The following DLG2 variants were observed in gnomAD, a reference collection of about 807,000 sequenced individuals.
DLG2 encodes the protein disks large homolog 2.
DLG2 carries 45 observed loss-of-function variants against 132.5 expected under a neutral mutation model. The ratio of observed to expected loss-of-function variants is 0.34; its 90% CI spans 0.27 to 0.44. DLG2 has a LOEUF of 0.44. Ranked by LOEUF, DLG2 falls within the 20% of genes least tolerant of loss-of-function variation. The pLI, the probability that DLG2 is intolerant of heterozygous loss-of-function variation, is 1.00. For synonymous variants in DLG2, 424 were observed against 419.6 expected (o/e 1.01, Z -0.13); for missense variants, 1,045 against 1,196.9 (o/e 0.87, Z 1.87).
intron 7 of DLG2, among the ~76,000 whole-genome samples, chr11:84,514,601 A>G (rs2099266992): frequency 6.6e-6 from 1 of 152,010 alleles, no homozygotes; most frequent in Admixed American, 6.6e-5. Context: ...AAAAATCATA[A>G]CAATTGAACT....
intron 3 of DLG2, among the ~76,000 whole-genome samples, chr11:85,389,709 C>T (rs984400568): frequency 6.6e-6 from 1 of 152,104 alleles, no homozygotes; most frequent in Non-Finnish European, 1.5e-5. Context: ...TATCTTTAGC[C>T]TCCACAAACA....
intron 3 of DLG2, among the ~76,000 whole-genome samples, chr11:85,349,315 C>CCAAAAGAAACACTAAGTG (rs1312518117): frequency 1.3e-5 from 2 of 152,020 alleles, no homozygotes; most frequent in Admixed American, 1.3e-4. Flanking sequence ...GAAAGAAACA[C>CCAAAAGAAACACTAAGTG]CAAAAGAAAC....
chr11:85,441,406 C>T (rs1241635910), intron 3 of DLG2, among the ~76,000 whole-genome samples: 1 of 152,112 alleles, frequency 6.6e-6, no homozygotes, highest in Non-Finnish European at 1.5e-5. Flanking sequence ...AGTATATTTC[C>T]TATGTGCTTC....
At chr11:84,980,990 A>C (rs2055658870) in intron 6 of DLG2, among the ~76,000 whole-genome samples, 1 of 152,088 alleles carries the variant, frequency 6.6e-6, no homozygotes, top group African/African-American at 2.4e-5. Flanking sequence ...TAGCTCTATC[A>C]CAGCGTTCAC....
chr11:84,637,571 C>T (rs1377994756), intron 6 of DLG2, among the ~76,000 whole-genome samples: 1 of 152,178 alleles, frequency 6.6e-6, no homozygotes, highest in Non-Finnish European at 1.5e-5. Flanking sequence ...CCCAAAACTG[C>T]AGCTGCTTGG....
chr11:84,740,494 AC>A (rs946162471), intron 6 of DLG2, among the ~76,000 whole-genome samples: 1 of 151,182 alleles, frequency 6.6e-6, no homozygotes, highest in Non-Finnish European at 1.5e-5. Context: ...GCTAAGCCCT[AC>A]CCAGCCACTG....
rs1004845474 is a variant in DLG2 at position 83,766,618 on chromosome 11, C to T, written c.1825+20072G>A. ...AAGGTTATCTTTTCTAACAAACTGC[C>T]TGTTAATTTGTGGGAATGCTTCTGA... On this transcript the variant is annotated intron_variant, in intron 18 of 27. Transcript: ENST00000376104. Among the ~76,000 whole-genome samples, 18 of 151,994 alleles carry T rather than the reference C, an allele frequency of 1.2e-4. 1 individual carries two copies. Among genetic ancestry groups the T allele is most frequent in the Admixed American group, 3.3e-4 (5 of 15,266 alleles).
chr11:85,593,473 T>C (rs563744567), intron 3 of DLG2, among the ~76,000 whole-genome samples: 2 of 152,320 alleles, frequency 1.3e-5, no homozygotes, highest in African/African-American at 4.8e-5. Flanking sequence ...AGGTGACTAG[T>C]GCTGAGGTCC....
chr11:85,259,060 C>G (rs954610889), intron 4 of DLG2, among the ~76,000 whole-genome samples: 4 of 152,104 alleles, frequency 2.6e-5, no homozygotes, highest in African/African-American at 9.7e-5. Flanking sequence ...AATTCCCTTA[C>G]TGTGTAATAT....
intron 18 of DLG2, chr11:83,646,912 G>A (rs971121641): frequency 2.6e-5 from 4 of 152,074 alleles, no homozygotes; most frequent in African/African-American, 9.7e-5. Flanking sequence ...ATCTTCTTAA[G>A]TATATTAATA....
Position 85,356,238 on chromosome 11 carries a change from C to T in DLG2, c.41-70873G>A, listed in dbSNP as rs1007062526. On this transcript the variant is annotated intron_variant, in intron 3 of 27. Transcript: ENST00000376104. ...CTATAGCTCATAGTAATTCCATATT[C>T]TTTTTTTACTCCTGCTTATACAATG... is the stretch of plus-strand genomic sequence containing the variant. 1.3e-5 allele frequency among the ~76,000 whole-genome samples: 2 copies of T among 152,130 alleles called. 1 individual carries two copies. Among genetic ancestry groups the T allele is most frequent in the Non-Finnish European group, 2.9e-5 (2 of 68,018 alleles).
intron 6 of DLG2, among the ~76,000 whole-genome samples, chr11:85,061,972 C>T (rs2064189756): frequency 6.6e-6 from 1 of 151,710 alleles, no homozygotes; most frequent in South Asian, 2.1e-4. Context: ...CCATTTTACA[C>T]TCGCATGGCT....
intron 8 of DLG2, among the ~76,000 whole-genome samples, chr11:84,227,017 C>A (rs1434819625): frequency 6.6e-6 from 1 of 151,948 alleles, no homozygotes; most frequent in South Asian, 2.1e-4. Flanking sequence ...ACCCAGGAGT[C>A]GGAGATTGCA....
intron 7 of DLG2, among the ~76,000 whole-genome samples, chr11:84,336,399 A>G (rs2098484804): frequency 6.6e-6 from 1 of 152,136 alleles, no homozygotes; most frequent in African/African-American, 2.4e-5. Flanking sequence ...ACCATTTTCA[A>G]TGCTCACAGA....
intron 18 of DLG2, among the ~76,000 whole-genome samples, chr11:83,648,744 C>T (rs1469557401): frequency 6.6e-6 from 1 of 152,120 alleles, no homozygotes; most frequent in Non-Finnish European, 1.5e-5. Flanking sequence ...CTTAAACTTA[C>T]AAAATGAAGC....
chr11:84,155,548 C>T (rs981213814), intron 9 of DLG2, among the ~76,000 whole-genome samples: 1 of 151,256 alleles, frequency 6.6e-6, no homozygotes, highest in Non-Finnish European at 1.5e-5. Context: ...AAGGGTCTGC[C>T]CCTGGAAATA....
At chr11:84,650,181 C>A (rs1363996356) in intron 6 of DLG2, among the ~76,000 whole-genome samples, 1 of 152,158 alleles carries the variant, frequency 6.6e-6, no homozygotes, top group Non-Finnish European at 1.5e-5. Context: ...TCCTCTGAAG[C>A]TGCTCCAAAA....
At position 85,081,882 on chromosome 11, in the gene DLG2, T is replaced by C. The variant is rs140943854; in HGVS notation, c.357+29779A>G. On this transcript the variant is annotated intron_variant, in intron 6 of 27. Transcript: ENST00000376104. Reference sequence around the variant, plus strand: ...GACCTTACTTGTTGTTTGTAAATTATGAGACCCCTGTATCCAGGAGGAAGG... The same window carrying C: ...GACCTTACTTGTTGTTTGTAAATTACGAGACCCCTGTATCCAGGAGGAAGG... 6.0e-3 allele frequency among the ~76,000 whole-genome samples: 915 copies of C among 152,266 alleles called. 5 individuals carry two copies. The highest frequency in any genetic ancestry group is 0.013 in the Admixed American group (206 of 15,290).
chr11:85,022,945 T>C (rs977804484), intron 6 of DLG2, among the ~76,000 whole-genome samples: 7 of 152,070 alleles, frequency 4.6e-5, no homozygotes, highest in Admixed American at 1.3e-4. Flanking sequence ...CTTACCCAAC[T>C]TAGAAGACCT....
Sources: allele counts gnomAD v4.1 joint callset (sites outside exome capture counted in the v4.1 genomes callset), GRCh38; gene constraint gnomAD v4.1.1; transcripts MANE v1.5; gene names NCBI Gene and HGNC (gene_info 2026-07-23, HGNC 2026-07-21).